The following ATAD3C variants were observed in gnomAD, a reference collection of about 807,000 sequenced individuals.
ATAD3C encodes the protein ATPase family AAA domain-containing protein 3C.
Under a neutral mutation model 46.3 loss-of-function variants are expected in ATAD3C, and 38 were observed. The observed-to-expected ratio is 0.82, with a 90% CI of 0.63 to 1.08. ATAD3C has a LOEUF of 1.08. Among genes scored for constraint, ATAD3C ranks in the 50% least tolerant of loss-of-function variants. The pLI is 0.00. For synonymous variants in ATAD3C, 220 were observed against 236.4 expected, an observed-to-expected ratio of 0.93 and a Z score of 0.63; for missense variants, 563 against 572.7, an observed-to-expected ratio of 0.98 and a Z score of 0.17.
At chr1:1,455,735 C>T in intron 5 of ATAD3C, 56 bp from the exon 6 acceptor site, 3 of 1,606,638 alleles carry the variant, frequency 1.9e-6, no homozygotes, top group Non-Finnish European at 2.6e-6. Context: ...AGCCCCTGCC[C>T]CCGAGGCTTC....
chr1:1,462,465 G>A lies in ATAD3C; in HGVS notation c.981-135G>A. On this transcript the variant is annotated intron_variant, in intron 10 of 11. Coordinates refer to ENST00000378785, the MANE Select transcript of ATAD3C (RefSeq NM_001039211.3). The surrounding 1 kb of genome is among the most constrained non-coding windows in gnomAD (Gnocchi z 4.5). Reference sequence around the variant, plus strand: ...TTGCGTCAGGAAGGGGGCGGAACTTGGCTGTCACAGGTAGAGAGTCCCTCT... The same window carrying A: ...TTGCGTCAGGAAGGGGGCGGAACTTAGCTGTCACAGGTAGAGAGTCCCTCT... The A allele has an allele frequency of 1.1e-6, 1 of 944,722 alleles. No homozygotes were observed. The highest frequency in any genetic ancestry group is 2.1e-5 in the Admixed American group (1 of 47,662). 58.5% of individuals were successfully genotyped at this position (944,722 alleles called of 1,614,324 possible).
intron 1 of ATAD3C, among the ~76,000 whole-genome samples, 193 bp downstream of exon 1, chr1:1,450,951 C>T (rs1026060035): frequency 1.3e-5 from 2 of 151,794 alleles, no homozygotes; most frequent in African/African-American, 2.4e-5. Context: ...CAGAGCCGCC[C>T]GAGAGGGAGG....
rs573623614 is a variant in ATAD3C, at chr1:1,461,477, T to C, written c.980+560T>C. ...TGCAGGGATTACAGATGTGAGCCAC[T>C]GTGCCCGGCCTCTTTTACGTTCCTC... is the stretch of plus-strand genomic sequence containing the variant. On this transcript the variant is annotated intron_variant, in intron 10 of 11. Coordinates refer to ENST00000378785, the MANE Select transcript of ATAD3C (RefSeq NM_001039211.3). 8.0e-5 allele frequency among the ~76,000 whole-genome samples: 12 copies of C among 149,424 alleles called. 1 individual carries two copies. The South Asian group carries it at 2.6e-3, about 32-fold the overall frequency.
rs1000503434 is a variant in ATAD3C at position 1,455,503 on chromosome 1, A to G, written c.422A>G (p.Glu141Gly). Residue 141 changes from glutamate to glycine, a missense_variant, in exon 5 of 12, where the codon GAG becomes GGG. By Grantham distance (98) the Glu-to-Gly change is moderately conservative. This residue lies in a region of ATAD3C where 263 missense variants were observed against 243.1 expected (regional missense o/e 1.08). Transcript: ENST00000378785. The part of the protein sequence containing the change: ...RLLSRPQDVL[E>G]GVVLSPSLEA... The stretch of plus-strand genomic sequence containing the variant: ...CTCAGTCGACCCCAGGACGTGCTGG[A>G]GGGTGTTGTGCTTAGTGTAAGTCGG... 1 of 1,612,142 alleles carries G rather than the reference A, an allele frequency of 6.2e-7. No homozygotes were observed. Among genetic ancestry groups the G allele is most frequent in the African/African-American group, 1.3e-5 (1 of 74,718 alleles).
At chr1:1,464,809 A>G (rs1365353894) in intron 11 of ATAD3C, among the ~76,000 whole-genome samples, 1 of 151,886 alleles carries the variant, frequency 6.6e-6, no homozygotes, top group Non-Finnish European at 1.5e-5. Flanking sequence ...ATTTTTGTAA[A>G]ACATAATTGA....
chr1:1,451,526 T>A (rs1638858868), intron 1 of ATAD3C, among the ~76,000 whole-genome samples: 1 of 151,748 alleles, frequency 6.6e-6, no homozygotes, highest in South Asian at 2.1e-4. Flanking sequence ...TTTGTATTTT[T>A]ATTAGAGACA....
rs538060245 is a variant in ATAD3C at position 1,457,148 on chromosome 1, G to A, written c.709G>A (p.Glu237Lys). ...SRRGLLLFVD[E>K]ADAFLRKRAT... ...CCACAGCCTCCTGCTCTTTGTGGAT[G>A]AAGCGGACGCCTTCCTTCGGAAGCG... The change falls in exon 8 of 12, where the codon GAA becomes AAA. Residue 237 changes from glutamate to lysine, a missense_variant. Coordinates refer to ENST00000378785, the MANE Select transcript of ATAD3C (RefSeq NM_001039211.3). The A allele has an allele frequency of 2.8e-5, 45 of 1,613,570 alleles. 1 individual carries two copies. The Middle Eastern group carries it at 1.3e-3, about 47-fold the overall frequency.
intron 1 of ATAD3C, among the ~76,000 whole-genome samples, chr1:1,451,752 G>T (rs1010418782): frequency 5.9e-5 from 9 of 152,082 alleles, no homozygotes; most frequent in African/African-American, 1.9e-4. Context: ...CTTAAGCCCA[G>T]CCTGAATCAG....
chr1:1,453,422 G>A (rs577313945), intron 3 of ATAD3C, among the ~76,000 whole-genome samples: 2 of 152,046 alleles, frequency 1.3e-5, no homozygotes, highest in South Asian at 2.1e-4. Context: ...GGATGGTCTC[G>A]AACTCTTGAT....
chr1:1,454,521 C>G, intron 4 of ATAD3C, 21 bp downstream of exon 4: 1 of 1,600,484 alleles, frequency 6.2e-7, no homozygotes, highest in Non-Finnish European at 8.5e-7. Context: ...AGGCCTGGCC[C>G]TCCCTGAGTG....
At chr1:1,463,843 C>A (rs922561596) in intron 11 of ATAD3C, among the ~76,000 whole-genome samples, 4 of 151,676 alleles carry the variant, frequency 2.6e-5, no homozygotes, top group African/African-American at 7.3e-5. Flanking sequence ...GTCCAGGAGG[C>A]GGAGGCTGCA....
chr1:1,453,228 GCT>G (rs1002021579), intron 3 of ATAD3C, among the ~76,000 whole-genome samples: 1 of 152,068 alleles, frequency 6.6e-6, no homozygotes, highest in African/African-American at 2.4e-5. Flanking sequence ...TTAGAGACAG[GCT>G]CTCACTCTGT....
rs1268814104 is a variant in ATAD3C, at chr1:1,450,428, A to G, written c.-256A>G. Reference sequence around the variant, plus strand: ...AAGAGCCTCCTCCCGTCCACATGGGATGGCCTTCCTGATGTGGCTCTCCAA... The same window carrying G: ...AAGAGCCTCCTCCCGTCCACATGGGGTGGCCTTCCTGATGTGGCTCTCCAA... On this transcript the variant is annotated 5_prime_UTR_variant, in exon 1 of 12. It removes an upstream start codon present in the reference 5' UTR. Coordinates refer to ENST00000378785, the MANE Select transcript of ATAD3C (RefSeq NM_001039211.3). The G allele has an allele frequency of 2.1e-6, 1 of 478,508 alleles. No homozygotes were observed. The highest frequency in any genetic ancestry group is 3.1e-5 in the South Asian group (1 of 32,144). 29.6% of individuals were successfully genotyped at this position (478,508 alleles called of 1,614,324 possible).
intron 10 of ATAD3C, 75 bp downstream of exon 10, chr1:1,460,992 A>G (rs1020784990): frequency 1.4e-6 from 2 of 1,481,208 alleles, no homozygotes; most frequent in African/African-American, 2.8e-5. Flanking sequence ...TTCTCCGGAC[A>G]CACCCAGCAG....
In ATAD3C at chr1:1,452,061, G is replaced by GAGA. The variant is rs768658521; in HGVS notation, c.92_93insGAA (p.Asp31delinsGluAsn). The GAGA allele has an allele frequency of 1.4e-5, 23 of 1,613,612 alleles. No individual in the cohort carries two copies. In the East Asian group the frequency reaches 1.8e-4, roughly 13 times the overall value. On this transcript the variant is annotated protein_altering_variant, in exon 2 of 12. Coordinates refer to ENST00000378785, the MANE Select transcript of ATAD3C (RefSeq NM_001039211.3). ...TTCTTCTCAGCAACTTGTCAATGAG[G>GAGA]ATTTACGGAAGCAGGAGGAGTCCGT...
chr1:1,457,329 T>C lies in ATAD3C; in HGVS notation c.741+149T>C. On this transcript the variant is annotated intron_variant, in intron 8 of 11. Coordinates refer to ENST00000378785, the MANE Select transcript of ATAD3C (RefSeq NM_001039211.3). ...AGCATTTTTGGCCAGGTGTGGAGGCTCACGCCTGTAATACCAGCACTTTGG... is the reference window on the plus strand; with the variant it reads ...AGCATTTTTGGCCAGGTGTGGAGGCCCACGCCTGTAATACCAGCACTTTGG... 3 of 1,312,332 alleles carry C rather than the reference T, an allele frequency of 2.3e-6. No individual in the cohort carries two copies. The South Asian group carries it at 3.9e-5, about 17-fold the overall frequency. 81.3% of individuals were successfully genotyped at this position (1,312,332 alleles called of 1,614,324 possible). A position where few individuals can be genotyped will look rare whatever the true frequency, so the allele number is the denominator to read the frequency against.
Position 1,468,955 on chromosome 1 carries a change from T to TA in ATAD3C, c.*425_*426insA, listed in dbSNP as rs1336397149. On this transcript the variant is annotated 3_prime_UTR_variant, in exon 12 of 12. Transcript: ENST00000378785. ...AATAGATGCCGCCCCTGCCCGCGCT[T>TA]TGCAGCTAGTCCCTGCAAACCTTGA... The TA allele has an allele frequency of 4.7e-6, 1 of 210,576 alleles. No individual in the cohort carries two copies. The highest frequency in any genetic ancestry group is 2.4e-5 in the African/African-American group (1 of 41,782). 13.0% of individuals were successfully genotyped at this position (210,576 alleles called of 1,614,324 possible). A position where few individuals can be genotyped will look rare whatever the true frequency, so the allele number is the denominator to read the frequency against.
Position 1,462,956 on chromosome 1 carries a change from C to T in ATAD3C, c.1089+248C>T, listed in dbSNP as rs897217517. Reference sequence around the variant, plus strand: ...TCACAGGTCAGGAAGCCAGTGCGGCCTCCTAGTAGCCCGGGCTCTGCCAGG... The same window carrying T: ...TCACAGGTCAGGAAGCCAGTGCGGCTTCCTAGTAGCCCGGGCTCTGCCAGG... On this transcript the variant is annotated intron_variant, in intron 11 of 11. Transcript: ENST00000378785. This position sits in a 1 kb window ranked among gnomAD's most constrained non-coding sequence, Gnocchi z 4.5. Among the ~76,000 whole-genome samples the T allele has an allele frequency of 6.6e-6, 1 of 152,100 alleles. No homozygotes were observed. Among genetic ancestry groups the T allele is most frequent in the Non-Finnish European group, 1.5e-5 (1 of 67,982 alleles).
chr1:1,453,545 C>T (rs1638899609), intron 3 of ATAD3C, among the ~76,000 whole-genome samples: 1 of 151,942 alleles, frequency 6.6e-6, no homozygotes, highest in Non-Finnish European at 1.5e-5. Flanking sequence ...CCATGTTGGC[C>T]AGGCTGGTTG....
Sources: gnomAD v4.1 joint callset for allele counts (sites outside exome capture counted in the v4.1 genomes callset) on GRCh38, gnomAD v4.1.1 for gene constraint, gnomAD v4.1.1 regional missense constraint, Gnocchi (gnomAD v3.1) non-coding constraint, MANE v1.5 for transcripts, NCBI Gene and HGNC (gene_info 2026-07-23, HGNC 2026-07-21) for gene names.